Variants in CRIM1 observed in about 807,000 individuals in gnomAD.
CRIM1 encodes cysteine-rich motor neuron 1 protein.
CRIM1 carries 32 observed loss-of-function variants against 116.4 expected under a neutral mutation model. The ratio of observed to expected loss-of-function variants is 0.27; its 90% CI spans 0.21 to 0.37. CRIM1 has a LOEUF of 0.37. Ranked by LOEUF, CRIM1 falls within the 10% of genes least tolerant of loss-of-function variation. CRIM1 has a pLI of 1.00. For synonymous variants in CRIM1, 590 were observed against 509.2 expected (o/e 1.16, Z -2.13); for missense variants, 1,331 against 1,354.8 (o/e 0.98, Z 0.28).
chr2:36,497,174 GT>G (rs1479230747), intron 7 of CRIM1, among the ~76,000 whole-genome samples: 2 of 152,174 alleles, frequency 1.3e-5, no homozygotes, highest in African/African-American at 4.8e-5. Flanking sequence ...ATTTTGGTAT[GT>G]GTAGATATGC....
chr2:36,513,518 T>C (rs763794467), intron 10 of CRIM1, 38 bp from the exon 11 acceptor site: 3 of 1,558,442 alleles, frequency 1.9e-6, no homozygotes, highest in South Asian at 2.2e-5. Context: ...TCCTGTGCAG[T>C]AGCCACTTCT....
chr2:36,499,157 G>C (rs1168098364), intron 7 of CRIM1, 62 bp from the exon 8 acceptor site: 2 of 1,325,478 alleles, frequency 1.5e-6, no homozygotes, highest in African/African-American at 1.5e-5. Flanking sequence ...TTCAAAAATT[G>C]AATAGCATCT....
chr2:36,544,971 T>C (rs992570780), intron 15 of CRIM1, among the ~76,000 whole-genome samples: 5 of 152,202 alleles, frequency 3.3e-5, no homozygotes, highest in Non-Finnish European at 7.3e-5. Flanking sequence ...TTGATTTTTC[T>C]AGTCACCAGG....
chr2:36,378,337 C>T (rs1670474009), intron 1 of CRIM1: 1 of 471,056 alleles, frequency 2.1e-6, no homozygotes, highest in African/African-American at 2.0e-5. Context: ...GCAGGCGCCA[C>T]CTAACATGTT....
In CRIM1 at chr2:36,475,945, AAT is replaced by A. The variant is rs564963410; in HGVS notation, c.992-943_992-942del. On this transcript the variant is annotated intron_variant, in intron 5 of 16. Transcript: ENST00000280527. ...TAAGTCTCACTTGGTCATGGTGTAT[AAT>A]TTTGTTTATATGTTGCTGGATGTGG... is the stretch of plus-strand genomic sequence containing the variant. Among the ~76,000 whole-genome samples, 140 of 152,046 alleles carry A rather than the reference AAT, an allele frequency of 9.2e-4. 1 individual carries two copies. Among genetic ancestry groups the A allele is most frequent in the South Asian group, 6.5e-3 (31 of 4,800 alleles).
At chr2:36,480,366 C>G (rs1679314654) in intron 7 of CRIM1, among the ~76,000 whole-genome samples, 1 of 152,178 alleles carries the variant, frequency 6.6e-6, no homozygotes, top group African/African-American at 2.4e-5. Flanking sequence ...AGTCTTTAAT[C>G]TTGTGTCCAT....
intron 14 of CRIM1, among the ~76,000 whole-genome samples, chr2:36,543,740 GTTTGT>G (rs919885525): frequency 6.6e-5 from 10 of 150,690 alleles, no homozygotes; most frequent in Admixed American, 1.3e-4. Context: ...ATATTCTTCT[GTTTGT>G]TTTATGTTGT....
chr2:36,431,694 G>T (rs530394642), intron 2 of CRIM1, among the ~76,000 whole-genome samples: 84 of 152,136 alleles, frequency 5.5e-4, no homozygotes, highest in Non-Finnish European at 3.4e-4. Flanking sequence ...GCGTTTGTCG[G>T]TCTTCCTTGA....
chr2:36,369,981 C>CT (rs2148301230), intron 1 of CRIM1, among the ~76,000 whole-genome samples: 1 of 152,312 alleles, frequency 6.6e-6, no homozygotes, highest in East Asian at 1.9e-4. Context: ...AACGCCCCAG[C>CT]TTGAAGCAAG....
intron 2 of CRIM1, among the ~76,000 whole-genome samples, chr2:36,399,780 G>C (rs1047341211): frequency 1.3e-5 from 2 of 152,194 alleles, no homozygotes; most frequent in African/African-American, 4.8e-5. Context: ...AAAATTGTTT[G>C]TTTCTCAGGG....
rs1665439199 is a variant in CRIM1, at chr2:36,522,210, C to T, written c.2325C>T (p.Cys775=). Residue 775 remains cysteine, a synonymous_variant, in exon 13 of 17, where the codon TGC becomes TGT. Coordinates refer to ENST00000280527, the MANE Select transcript of CRIM1 (RefSeq NM_016441.3). ...GGAAGCCTGACGTTTGTACCAGCTG[C>T]ATCTGCATTGATAGCGTAATTAGCT... The part of the protein sequence containing the change: ...ESWKPDVCTS[C]ICIDSVISCF... 1 of 1,614,026 alleles carries T rather than the reference C, an allele frequency of 6.2e-7. No homozygotes were observed. Among genetic ancestry groups the T allele is most frequent in the African/African-American group, 1.3e-5 (1 of 74,914 alleles).
intron 1 of CRIM1, among the ~76,000 whole-genome samples, chr2:36,379,734 CTT>C (rs934027236): frequency 6.1e-5 from 7 of 114,304 alleles, no homozygotes; most frequent in African/African-American, 1.1e-4. Flanking sequence ...CTATTTCTTT[CTT>C]TCTCTCTTTT....
chr2:36,428,388 A>G (rs1026481105), intron 2 of CRIM1, among the ~76,000 whole-genome samples: 4 of 152,358 alleles, frequency 2.6e-5, no homozygotes, highest in Non-Finnish European at 4.4e-5. Context: ...TGTATGTAAT[A>G]TTGATTCCCC....
intron 12 of CRIM1, among the ~76,000 whole-genome samples, chr2:36,518,518 T>A (rs564491680): frequency 3.9e-5 from 6 of 152,338 alleles, no homozygotes; most frequent in Admixed American, 3.9e-4. Flanking sequence ...TAAGTTTATG[T>A]TGATGGCATT....
intron 2 of CRIM1, among the ~76,000 whole-genome samples, chr2:36,411,642 G>C (rs1027899074): frequency 7.0e-6 from 1 of 143,604 alleles, no homozygotes; most frequent in Non-Finnish European, 1.5e-5. Flanking sequence ...GCAACCATGT[G>C]ATTATTTTTA....
chr2:36,487,433 C>G (rs1216419450), intron 7 of CRIM1, among the ~76,000 whole-genome samples: 4 of 152,188 alleles, frequency 2.6e-5, no homozygotes, highest in Non-Finnish European at 5.9e-5. Context: ...TGGTGCCTCT[C>G]TTTTGAAACT....
intron 1 of CRIM1, among the ~76,000 whole-genome samples, chr2:36,396,251 T>C (rs1672020842): frequency 6.6e-6 from 1 of 152,154 alleles, no homozygotes; most frequent in Non-Finnish European, 1.5e-5. Flanking sequence ...GATTGACAAA[T>C]GTGACTCTTG....
chr2:36,417,603 C>T (rs1019584337), intron 2 of CRIM1, among the ~76,000 whole-genome samples: 10 of 152,254 alleles, frequency 6.6e-5, no homozygotes, highest in Non-Finnish European at 7.4e-5. Flanking sequence ...AAAGACCTAT[C>T]TCCACTGCAT....
chr2:36,480,982 A>G (rs944942597), intron 7 of CRIM1, among the ~76,000 whole-genome samples: 2 of 152,216 alleles, frequency 1.3e-5, no homozygotes, highest in African/African-American at 2.4e-5. Flanking sequence ...TGAAGATAAG[A>G]ATGTCAGTCC....
Sources: gnomAD v4.1 joint callset for allele counts (sites outside exome capture counted in the v4.1 genomes callset) on GRCh38, gnomAD v4.1.1 for gene constraint, MANE v1.5 for transcripts, NCBI Gene and HGNC (gene_info 2026-07-23, HGNC 2026-07-21) for gene names.